Variants in RRBP1 observed in about 807,000 individuals in gnomAD.
RRBP1 encodes ribosome-binding protein 1.
Under a neutral mutation model 165.2 loss-of-function variants are expected in RRBP1, and 94 were observed. That is an observed-to-expected ratio of 0.57 (90% confidence interval 0.48 to 0.68). RRBP1 has a LOEUF of 0.68. RRBP1 is among the 30% of genes least tolerant of loss of function. The pLI is 0.00. For synonymous variants in RRBP1, 680 were observed against 714.5 expected, an observed-to-expected ratio of 0.95 and a Z score of 0.77; for missense variants, 1,676 against 1,763.0, an observed-to-expected ratio of 0.95 and a Z score of 0.88.
intron 3 of RRBP1, among the ~76,000 whole-genome samples, chr20:17,650,890 T>C (rs768075236): frequency 6.6e-6 from 1 of 152,142 alleles, no homozygotes; most frequent in Non-Finnish European, 1.5e-5. Context: ...AGGATAAAAA[T>C]AGATTTTTTT....
At chr20:17,615,875 C>T (rs765522452) in intron 22 of RRBP1, 51 bp downstream of exon 22, 17 of 1,509,936 alleles carry the variant, frequency 1.1e-5, no homozygotes, top group Admixed American at 1.0e-4. Context: ...TCCCTGGAGA[C>T]TCAGGGCCCA....
chr20:17,657,184 G>A lies in RRBP1; in HGVS notation c.1912+1412C>T, dbSNP rs117673941. Reference sequence around the variant, plus strand: ...CATGTTAAAGAAAGGGCAGTGCGTCGCCTGCCAGCCTCTGGAAGTAGGGCT... The same window carrying A: ...CATGTTAAAGAAAGGGCAGTGCGTCACCTGCCAGCCTCTGGAAGTAGGGCT... On this transcript the variant is annotated intron_variant, in intron 3 of 24. Transcript: ENST00000377813. Among the ~76,000 whole-genome samples, 14 of 152,322 alleles carry A rather than the reference G, an allele frequency of 9.2e-5. No homozygotes were observed. The East Asian group carries it at 2.5e-3, about 27-fold the overall frequency.
chr20:17,639,601 T>C (rs2036311165), intron 5 of RRBP1, among the ~76,000 whole-genome samples: 1 of 152,104 alleles, frequency 6.6e-6, no homozygotes, highest in Non-Finnish European at 1.5e-5. Flanking sequence ...ACCGTAAGAA[T>C]GAGGTAAACA....
At chr20:17,626,384 G>C (rs2036021092) in intron 11 of RRBP1, among the ~76,000 whole-genome samples, 2 of 152,182 alleles carry the variant, frequency 1.3e-5, no homozygotes, top group South Asian at 2.1e-4. Flanking sequence ...GACAAGGTTT[G>C]GTTGTGGGTC....
At chr20:17,620,619 C>T (rs2035894967) in intron 17 of RRBP1, 96 bp downstream of exon 17, 1 of 968,478 alleles carries the variant, frequency 1.0e-6, no homozygotes, top group Non-Finnish European at 1.6e-6. Flanking sequence ...CCCACCGAGA[C>T]ACACGAGTCT....
intron 6 of RRBP1, 63 bp from the exon 7 acceptor site, chr20:17,635,727 A>G (rs1178639289): frequency 4.8e-6 from 6 of 1,237,612 alleles, no homozygotes; most frequent in Non-Finnish European, 5.9e-6. Flanking sequence ...CTGACTTCTG[A>G]GCAGTGGTTA....
chr20:17,643,223 C>T lies in RRBP1; in HGVS notation c.1913-96G>A, dbSNP rs2036400347. 3.1e-6 allele frequency: 4 copies of T among 1,296,902 alleles called. No individual in the cohort carries two copies. The highest frequency in any genetic ancestry group is 2.5e-5 in the East Asian group (1 of 40,290). The allele number at this position is 1,296,902 out of a possible 1,614,324, so 80.3% of individuals were successfully genotyped here. A position where few individuals can be genotyped will look rare whatever the true frequency, so the allele number is the denominator to read the frequency against. On this transcript the variant is annotated intron_variant, in intron 3 of 24. Coordinates refer to ENST00000377813, the MANE Select transcript of RRBP1 (RefSeq NM_001365613.2). The surrounding 1 kb of genome is among the most constrained non-coding windows in gnomAD (Gnocchi z 4.3). ...CACACCAAGAAGGTTCTGGTCACAG[C>T]CACGAAGAGCTCTCTGACTGCTTGG...
chr20:17,616,038 C>A, intron 21 of RRBP1, 29 bp from the exon 22 acceptor site: 1 of 1,592,556 alleles, frequency 6.3e-7, no homozygotes. Context: ...CATAACCCGG[C>A]AGCCCGGTGA....
At position 17,670,668 on chromosome 20, in the gene RRBP1, C is replaced by T. The variant is rs140160489; in HGVS notation, c.-22+9331G>A. On this transcript the variant is annotated intron_variant, in intron 2 of 24. Transcript: ENST00000377813. ...CATCATTGCTTGTTATGTCTTTTTC[C>T]ACTTGCCATCACCTTCCTTCCAAGA... Among the ~76,000 whole-genome samples, 4 of 152,128 alleles carry T rather than the reference C, an allele frequency of 2.6e-5. No individual in the cohort carries two copies. In the East Asian group the frequency reaches 7.7e-4, roughly 29 times the overall value.
chr20:17,657,310 G>C (rs141098687), intron 3 of RRBP1, among the ~76,000 whole-genome samples: 7 of 152,352 alleles, frequency 4.6e-5, no homozygotes, highest in African/African-American at 1.7e-4. Flanking sequence ...GCCGCTCACA[G>C]GGGACAGGGC....
intron 3 of RRBP1, among the ~76,000 whole-genome samples, chr20:17,648,376 A>G (rs978846906): frequency 1.3e-5 from 2 of 152,228 alleles, no homozygotes; most frequent in Non-Finnish European, 2.9e-5. Context: ...CCCACAGCTG[A>G]GGCAGGCCCT....
In RRBP1 at chr20:17,627,548, C is replaced by T. The variant is rs1600733955; in HGVS notation, c.2884G>A (p.Ala962Thr). 6.2e-7 allele frequency: 1 copy of T among 1,613,224 alleles called. No homozygotes were observed. Among genetic ancestry groups the T allele is most frequent in the African/African-American group, 1.3e-5 (1 of 75,056 alleles). ...CGCGCCTGGCCCGCCTCCAGCAGGG[C>T]CTCAATGGAACGGATTCTCTCTGTG... ...QLTERIRSIE[A>T]LLEAGQARDA... is the part of the protein sequence containing the mutation. The change falls in exon 10 of 25, where the codon GCC becomes ACC. Residue 962 changes from alanine (A) to threonine (T), a missense_variant. This residue lies in a region of RRBP1 where 1,184 missense variants were observed against 1,167.1 expected (regional missense o/e 1.01). Transcript: ENST00000377813.
Position 17,619,634 on chromosome 20 carries a change from CCT to C in RRBP1, c.3672_3673del (p.Gly1225AlafsTer25), listed in dbSNP as rs1568752703. ...GCACTCCTTGGGGGGCAGACTCACC[CCT>C]GCCACCTCCTTGGCGTAGTTCTGGC... On this transcript the variant is annotated frameshift_variant and splice_region_variant, in exon 19 of 25. Coordinates refer to ENST00000377813, the MANE Select transcript of RRBP1 (RefSeq NM_001365613.2). LOFTEE classifies it high-confidence loss of function. The C allele has an allele frequency of 6.2e-7, 1 of 1,608,580 alleles. No individual in the cohort carries two copies. Among genetic ancestry groups the C allele is most frequent in the Non-Finnish European group, 8.5e-7 (1 of 1,177,070 alleles).
rs112586723 is a variant in RRBP1, at chr20:17,615,255, C to G, written c.4050+176G>C. ...TAATGGCTGCCATGTGACCATGTGA[C>G]ACTGCAGGGCTAGGAGTCCCCACCC... On this transcript the variant is annotated intron_variant, in intron 23 of 24. Transcript: ENST00000377813. Among the ~76,000 whole-genome samples the G allele has an allele frequency of 7.2e-5, 11 of 152,332 alleles. 1 individual carries two copies. Among genetic ancestry groups the G allele is most frequent in the African/African-American group, 2.6e-4 (11 of 41,582 alleles).
chr20:17,620,307 A>G lies in RRBP1; in HGVS notation c.3571T>C (p.Ser1191Pro), dbSNP rs757068624. 27 of 1,613,384 alleles carry G rather than the reference A, an allele frequency of 1.7e-5. No individual in the cohort carries two copies. Among genetic ancestry groups the G allele is most frequent in the Non-Finnish European group, 2.3e-5 (27 of 1,179,448 alleles). ...VEKLKGELES[S>P]DQVREHTSHL... is the part of the protein sequence containing the mutation. ...CTGAGCAGAGCACATACCTGGTCCG[A>G]ACTTTCAAGTTCTCCTTTTAGCTTC... is the stretch of plus-strand genomic sequence containing the variant. Residue 1191 changes from serine to proline, a missense_variant, in exon 18 of 25, where the codon TCG becomes CCG. Coordinates refer to ENST00000377813, the MANE Select transcript of RRBP1 (RefSeq NM_001365613.2).
Position 17,659,985 on chromosome 20 carries a change from T to C in RRBP1, c.523A>G (p.Lys175Glu). 1.9e-6 allele frequency: 3 copies of C among 1,610,038 alleles called. No homozygotes were observed. In the South Asian group the frequency reaches 3.3e-5, roughly 18 times the overall value. Residue 175 changes from lysine to glutamate, a missense_variant, in exon 3 of 25, where the codon AAG becomes GAG. By Grantham distance (56) the Lys-to-Glu change is moderately conservative (BLOSUM62 1). Coordinates refer to ENST00000377813, the MANE Select transcript of RRBP1 (RefSeq NM_001365613.2). ...SKAAILETAPKEVPMVVVPPV... is the reference protein window; with the variant it reads ...SKAAILETAPEEVPMVVVPPV... ...GGCACCACCACCATCGGCACCTCCT[T>C]GGGAGCAGTTTCCAAGATGGCAGCC...
At chr20:17,656,419 C>G (rs1464254772) in intron 3 of RRBP1, among the ~76,000 whole-genome samples, 2 of 152,158 alleles carry the variant, frequency 1.3e-5, no homozygotes, top group East Asian at 3.9e-4. Flanking sequence ...CATTTTTTTT[C>G]AAATTAAATC....
chr20:17,619,846 C>T, intron 18 of RRBP1, 118 bp from the exon 19 acceptor site: 1 of 637,868 alleles, frequency 1.6e-6, no homozygotes, highest in East Asian at 3.0e-5. Context: ...ATCCCTGAGG[C>T]CCACCAGCTA....
Position 17,643,827 on chromosome 20 carries a change from C to T in RRBP1, c.1913-700G>A, listed in dbSNP as rs558103493. 6.9e-4 allele frequency among the ~76,000 whole-genome samples: 105 copies of T among 152,280 alleles called. No homozygotes were observed. The highest frequency in any genetic ancestry group is 2.2e-3 in the African/African-American group (93 of 41,548). On this transcript the variant is annotated intron_variant, in intron 3 of 24. Coordinates refer to ENST00000377813, the MANE Select transcript of RRBP1 (RefSeq NM_001365613.2). The surrounding 1 kb of genome is among the most constrained non-coding windows in gnomAD (Gnocchi z 4.3). The stretch of plus-strand genomic sequence containing the variant: ...GGACAGGGAGCCATCTGCCAACAAA[C>T]GTCACTTCTGAAAAACTAAAACTGC...
Sources: gnomAD v4.1 joint callset for allele counts (sites outside exome capture counted in the v4.1 genomes callset) on GRCh38, gnomAD v4.1.1 for gene constraint, gnomAD v4.1.1 regional missense constraint, Gnocchi (gnomAD v3.1) non-coding constraint, MANE v1.5 for transcripts, NCBI Gene and HGNC (gene_info 2026-07-23, HGNC 2026-07-21) for gene names.